The following NPRL3 variants were observed in gnomAD, a reference collection of about 807,000 sequenced individuals.
The protein encoded by NPRL3 is GATOR1 complex protein NPRL3.
In NPRL3, 23 loss-of-function variants were observed where a neutral mutation model predicts 57.2. The observed-to-expected ratio is 0.40, with a 90% confidence interval of 0.29 to 0.57. The LOEUF is 0.57. Among genes scored for constraint, NPRL3 ranks in the 20% least tolerant of loss-of-function variants. The probability of loss-of-function intolerance (pLI) is 0.42; values close to 1 mark genes in which losing one functional copy is unlikely to be tolerated. For synonymous variants in NPRL3, 333 were observed against 321.1 expected (o/e 1.04, Z -0.39); for missense variants, 691 against 767.1 (o/e 0.90, Z 1.17).
chr16:98,187 G>A lies in NPRL3; in HGVS notation c.882C>T (p.Asn294=). The A allele has an allele frequency of 6.2e-7, 1 of 1,613,948 alleles. No homozygotes were observed. The highest frequency in any genetic ancestry group is 8.5e-7 in the Non-Finnish European group (1 of 1,179,872). ...RVIKTTSAVK[N]LQQLAQDADL... is the part of the protein sequence containing the mutation. ...CCGCATCTTGGGCTAGCTGCTGCAG[G>A]TTCTTCACAGCAGATGTGGTCTTGA... Residue 294 remains asparagine, a synonymous_variant, in exon 9 of 14, where the codon AAC becomes AAT. Transcript: ENST00000611875.
At chr16:87,391 A>C (rs1017110357) in intron 13 of NPRL3, among the ~76,000 whole-genome samples, 11 of 150,990 alleles carry the variant, frequency 7.3e-5, no homozygotes, top group Non-Finnish European at 1.5e-4. Flanking sequence ...GCGCTACCAC[A>C]CCTGGCTAAT....
rs1260570013 is a variant in NPRL3, at chr16:86,499, CAG to C, written c.*204_*205del. On this transcript the variant is annotated 3_prime_UTR_variant, in exon 14 of 14. Transcript: ENST00000611875. Reference sequence around the variant, plus strand: ...AGGACTGGAGGGAAGCGTAGGAACACAGAGGGCAGCAGCCCCACAGCGGAACC... The same window carrying C: ...AGGACTGGAGGGAAGCGTAGGAACACAGGGCAGCAGCCCCACAGCGGAACC... 4 of 577,620 alleles carry C rather than the reference CAG, an allele frequency of 6.9e-6. No individual in the cohort carries two copies. In the African/African-American group the frequency reaches 7.5e-5, roughly 11 times the overall value. 35.8% of individuals were successfully genotyped at this position (577,620 alleles called of 1,614,324 possible).
Position 133,411 on chromosome 16 carries a change from T to C in NPRL3, c.119-2820A>G, listed in dbSNP as rs368456566. On this transcript the variant is annotated intron_variant, in intron 2 of 13. Coordinates refer to ENST00000611875, the MANE Select transcript of NPRL3 (RefSeq NM_001077350.3). ...CAGCTAATTTTTGTATTTTTTTTTT[T>C]AGCAGAGATGGGGTTTCACCATGTT... 1.3e-5 allele frequency among the ~76,000 whole-genome samples: 2 copies of C among 152,070 alleles called. 1 individual carries two copies. Among genetic ancestry groups the C allele is most frequent in the African/African-American group, 4.8e-5 (2 of 41,410 alleles).
At chr16:98,413 G>T (rs1040052048) in intron 8 of NPRL3, 112 bp from the exon 9 acceptor site, 3 of 1,199,438 alleles carry the variant, frequency 2.5e-6, no homozygotes, top group South Asian at 3.0e-5. Flanking sequence ...CCTGCACCAG[G>T]TATGCACCGG....
chr16:106,233 G>A (rs947743667), intron 7 of NPRL3, among the ~76,000 whole-genome samples: 4 of 152,128 alleles, frequency 2.6e-5, no homozygotes, highest in African/African-American at 7.2e-5. Flanking sequence ...ACTTAAGCCC[G>A]GGAGACGGAG....
chr16:115,667 G>A (rs1182106918), intron 5 of NPRL3, among the ~76,000 whole-genome samples: 1 of 152,170 alleles, frequency 6.6e-6, no homozygotes, highest in Non-Finnish European at 1.5e-5. Flanking sequence ...GTATTTTTTA[G>A]TAGAGACGGG....
intron 2 of NPRL3, among the ~76,000 whole-genome samples, chr16:131,296 G>A (rs890347911): frequency 3.3e-5 from 5 of 152,066 alleles, no homozygotes; most frequent in African/African-American, 7.2e-5. Context: ...TGGCTAACAC[G>A]GTGAAACCCC....
intron 9 of NPRL3, among the ~76,000 whole-genome samples, chr16:95,262 C>A (rs1391880015): frequency 2.7e-5 from 4 of 150,502 alleles, no homozygotes; most frequent in Non-Finnish European, 5.9e-5. Flanking sequence ...ATTATTCAGC[C>A]AATCACAACG....
chr16:105,997 T>C (rs1899510216), intron 7 of NPRL3, among the ~76,000 whole-genome samples: 1 of 152,196 alleles, frequency 6.6e-6, no homozygotes, highest in African/African-American at 2.4e-5. Context: ...AGCCACACCA[T>C]AACCCTAGCT....
chr16:90,215 G>A (rs528715931), intron 11 of NPRL3: 58 of 366,622 alleles, frequency 1.6e-4, no homozygotes, highest in Non-Finnish European at 1.6e-4. Context: ...TGACTGCTTC[G>A]CTGAGCAAAC....
chr16:133,125 T>C (rs981261348), intron 2 of NPRL3, among the ~76,000 whole-genome samples: 1 of 152,256 alleles, frequency 6.6e-6, no homozygotes, highest in Non-Finnish European at 1.5e-5. Context: ...AGGCTTTGGT[T>C]TAAGAGAATA....
At chr16:95,446 G>A (rs539877065) in intron 9 of NPRL3, among the ~76,000 whole-genome samples, 2 of 151,562 alleles carry the variant, frequency 1.3e-5, no homozygotes, top group African/African-American at 4.8e-5. Context: ...TGGGATATGG[G>A]ACTGTGGGAA....
Position 86,181 on chromosome 16 carries a change from G to A in NPRL3, c.*524C>T, listed in dbSNP as rs1430441533. ...CTGTGGTGAGGACTGGGCCAGGAAA[G>A]GCTCAGGGTAGCCTGGGAGGAAGAA... On this transcript the variant is annotated 3_prime_UTR_variant, in exon 14 of 14. Transcript: ENST00000611875. 1 of 192,012 alleles carries A rather than the reference G, an allele frequency of 5.2e-6. No individual in the cohort carries two copies. The highest frequency in any genetic ancestry group is 1.1e-5 in the Non-Finnish European group (1 of 93,954). The allele number at this position is 192,012 out of a possible 1,614,324, so 11.9% of individuals were successfully genotyped here.
chr16:123,523 C>G (rs1210561623), intron 3 of NPRL3: 2 of 470,982 alleles, frequency 4.2e-6, no homozygotes, highest in Non-Finnish European at 8.8e-6. Flanking sequence ...ACCAATTGCT[C>G]ATCGGTTGGA....
rs558664506 is a variant in NPRL3 at position 106,416 on chromosome 16, T to C, written c.629+4109A>G. The stretch of plus-strand genomic sequence containing the variant: ...GGGAGGCTAAGGTGGGTAGATTGCT[T>C]GAGTCCAGGAATTCAAGATCAGCCA... On this transcript the variant is annotated intron_variant, in intron 7 of 13. Transcript: ENST00000611875. 3.6e-4 allele frequency among the ~76,000 whole-genome samples: 55 copies of C among 152,040 alleles called. 1 individual carries two copies. Among genetic ancestry groups the C allele is most frequent in the African/African-American group, 1.2e-3 (49 of 41,492 alleles).
intron 3 of NPRL3, among the ~76,000 whole-genome samples, chr16:120,077 G>C (rs117747069): frequency 0.026 from 3,962 of 152,250 alleles, 88 homozygotes; most frequent in South Asian, 0.12. Context: ...GGGGTGCTGT[G>C]GGTGGTGCTG....
At position 100,922 on chromosome 16, in the gene NPRL3, C is replaced by T. The variant is rs374718417; in HGVS notation, c.630-413G>A. Among the ~76,000 whole-genome samples, 9 of 134,050 alleles carry T rather than the reference C, an allele frequency of 6.7e-5. No homozygotes were observed. The East Asian group carries it at 1.2e-3, about 18-fold the overall frequency. 87.9% of individuals were successfully genotyped at this position (134,050 alleles called of 152,430 possible). A position where few individuals can be genotyped will look rare whatever the true frequency, so the allele number is the denominator to read the frequency against. On this transcript the variant is annotated intron_variant, in intron 7 of 13. Coordinates refer to ENST00000611875, the MANE Select transcript of NPRL3 (RefSeq NM_001077350.3). The stretch of plus-strand genomic sequence containing the variant: ...GGAGGTGGAGGTTGCAGTGAGCTAA[C>T]ATCACGCCACTGCACTCCAGCCTGG...
At chr16:127,902 G>T (rs374304455) in intron 3 of NPRL3, among the ~76,000 whole-genome samples, 4 of 151,956 alleles carry the variant, frequency 2.6e-5, no homozygotes, top group East Asian at 1.9e-4. Flanking sequence ...TGATCCGCCC[G>T]CCTTGGCCTC....
At chr16:88,968 C>T in intron 12 of NPRL3, 78 bp from the exon 13 acceptor site, 1 of 1,371,214 alleles carries the variant, frequency 7.3e-7, no homozygotes, top group Non-Finnish European at 1.0e-6. Flanking sequence ...AGCCAGCAGC[C>T]AGCCTCCAAT....
Sources: allele counts gnomAD v4.1 joint callset (sites outside exome capture counted in the v4.1 genomes callset), GRCh38; gene constraint gnomAD v4.1.1; transcripts MANE v1.5; gene names NCBI Gene and HGNC (gene_info 2026-07-23, HGNC 2026-07-21).